The following GRID2 variants were observed in gnomAD, a reference collection of about 807,000 sequenced individuals.
GRID2 encodes glutamate receptor ionotropic, delta-2.
GRID2 carries 33 observed loss-of-function variants against 114.8 expected under a neutral mutation model. The ratio of observed to expected loss-of-function variants is 0.29; its 90% CI spans 0.22 to 0.38. The LOEUF is 0.38. Ranked by LOEUF, GRID2 falls within the 10% of genes least tolerant of loss-of-function variation. GRID2 has a pLI of 1.00. For missense variants in GRID2, 1,184 were observed against 1,257.7 expected (o/e 0.94, Z 0.89); for synonymous variants, 505 against 449.9 (o/e 1.12, Z -1.55).
At chr4:92,989,671 A>G (rs1754746434) in intron 2 of GRID2, among the ~76,000 whole-genome samples, 1 of 152,198 alleles carries the variant, frequency 6.6e-6, no homozygotes, top group African/African-American at 2.4e-5. Context: ...GTAACATTTT[A>G]TGACCCCAAA....
chr4:93,450,626 G>C (rs1166088273), intron 10 of GRID2, among the ~76,000 whole-genome samples: 2 of 151,604 alleles, frequency 1.3e-5, no homozygotes, highest in Non-Finnish European at 3.0e-5. Context: ...ATGCTCCATT[G>C]TATCATCCAT....
intron 2 of GRID2, among the ~76,000 whole-genome samples, chr4:93,084,464 A>C (rs1730156359): frequency 6.6e-6 from 1 of 152,172 alleles, no homozygotes; most frequent in African/African-American, 2.4e-5. Flanking sequence ...CAATGTCATC[A>C]AGTTTTTAGA....
Position 93,515,324 on chromosome 4 carries a change from C to T in GRID2, c.2106C>T (p.Asp702=), listed in dbSNP as rs181918786. 2.1e-4 allele frequency: 343 copies of T among 1,611,268 alleles called. 2 individuals carry two copies. The East Asian group carries it at 7.1e-3, about 33-fold the overall frequency. ...RMKGLNPFER[D]SMYSQMWRMI... ...AAGGACTGAATCCTTTTGAGAGGGACAGCATGTATTCCCAAATGTGGCGGA... is the reference window on the plus strand; with the variant it reads ...AAGGACTGAATCCTTTTGAGAGGGATAGCATGTATTCCCAAATGTGGCGGA... The change falls in exon 13 of 16, where the codon GAC becomes GAT. Residue 702 remains aspartate (D), a synonymous_variant. Transcript: ENST00000282020.
At chr4:92,544,756 T>C (rs938573099) in intron 1 of GRID2, among the ~76,000 whole-genome samples, 1 of 152,178 alleles carries the variant, frequency 6.6e-6, no homozygotes, top group African/African-American at 2.4e-5. Context: ...ACCAATATTA[T>C]GTGTTAGCTT....
intron 2 of GRID2, among the ~76,000 whole-genome samples, chr4:92,759,661 A>G (rs1356003508): frequency 2.0e-5 from 3 of 151,808 alleles, no homozygotes; most frequent in African/African-American, 4.8e-5. Context: ...CTGGAGTGCA[A>G]TGGCGTGATC....
chr4:92,568,543 A>T (rs1191630211), intron 1 of GRID2, among the ~76,000 whole-genome samples: 1 of 151,998 alleles, frequency 6.6e-6, no homozygotes, highest in Non-Finnish European at 1.5e-5. Flanking sequence ...CAGAACTTGA[A>T]GTGCAAAATT....
intron 13 of GRID2, among the ~76,000 whole-genome samples, chr4:93,529,476 T>C (rs544654769): frequency 1.3e-5 from 2 of 152,248 alleles, no homozygotes; most frequent in African/African-American, 2.4e-5. Flanking sequence ...GACTAGAACA[T>C]TGTAGATTAA....
intron 4 of GRID2, among the ~76,000 whole-genome samples, chr4:93,148,413 A>G (rs1579118979): frequency 6.6e-6 from 1 of 152,274 alleles, no homozygotes; most frequent in East Asian, 1.9e-4. Context: ...TAATCTGATC[A>G]TGAAATAAAA....
At chr4:92,716,053 A>G (rs1560549643) in intron 2 of GRID2, among the ~76,000 whole-genome samples, 1 of 152,352 alleles carries the variant, frequency 6.6e-6, no homozygotes, top group South Asian at 2.1e-4. Flanking sequence ...TTTATTCCCT[A>G]TTAATGTGGC....
chr4:92,493,498 C>T (rs1723246235), intron 1 of GRID2, among the ~76,000 whole-genome samples: 1 of 152,162 alleles, frequency 6.6e-6, no homozygotes, highest in South Asian at 2.1e-4. Flanking sequence ...GACTAACCTT[C>T]AATTAATGAC....
At chr4:93,671,657 A>G (rs1358815557) in intron 14 of GRID2, among the ~76,000 whole-genome samples, 1 of 152,276 alleles carries the variant, frequency 6.6e-6, no homozygotes, top group South Asian at 2.1e-4. Context: ...GAACAACACT[A>G]TATATATTAT....
intron 8 of GRID2, among the ~76,000 whole-genome samples, chr4:93,356,998 T>A (rs1761398575): frequency 6.6e-6 from 1 of 151,758 alleles, no homozygotes; most frequent in Admixed American, 6.6e-5. Context: ...CTAATGAAAA[T>A]AATTTGGAAT....
At chr4:93,516,780 T>C (rs1485115098) in intron 13 of GRID2, among the ~76,000 whole-genome samples, 1 of 152,108 alleles carries the variant, frequency 6.6e-6, no homozygotes, top group Non-Finnish European at 1.5e-5. Flanking sequence ...TCAGAATAAG[T>C]ATACACTATG....
intron 4 of GRID2, among the ~76,000 whole-genome samples, chr4:93,129,670 AAGTC>A (rs1734616503): frequency 6.6e-6 from 1 of 152,170 alleles, no homozygotes; most frequent in Non-Finnish European, 1.5e-5. Flanking sequence ...ACCCTTTGTC[AAGTC>A]AGTTTCCCTT....
At chr4:93,052,942 TAGC>T (rs1196604053) in intron 2 of GRID2, among the ~76,000 whole-genome samples, 1 of 151,930 alleles carries the variant, frequency 6.6e-6, no homozygotes, top group Non-Finnish European at 1.5e-5. Context: ...AGGGCTGTCT[TAGC>T]AGTGTGGCAA....
At chr4:93,220,776 G>A (rs1744781367) in intron 6 of GRID2, among the ~76,000 whole-genome samples, 2 of 152,108 alleles carry the variant, frequency 1.3e-5, no homozygotes, top group African/African-American at 4.8e-5. Context: ...TTCCTGAAAT[G>A]CAAGGAACTG....
intron 3 of GRID2, among the ~76,000 whole-genome samples, chr4:93,087,121 A>G (rs1370912286): frequency 6.6e-6 from 1 of 151,330 alleles, no homozygotes; most frequent in Non-Finnish European, 1.5e-5. Flanking sequence ...TGCAACCTCC[A>G]CCTCCTGGGT....
chr4:93,801,629 A>C (rs530259552), intron 1 of GRID2, among the ~76,000 whole-genome samples: 2 of 152,320 alleles, frequency 1.3e-5, no homozygotes, highest in South Asian at 4.1e-4. Context: ...TAGTTTTACA[A>C]TACTTACAAC....
intron 1 of GRID2, among the ~76,000 whole-genome samples, chr4:92,535,677 G>A (rs1579535366): frequency 6.6e-6 from 1 of 152,246 alleles, no homozygotes; most frequent in South Asian, 2.1e-4. Context: ...TAAAACAAGT[G>A]GTAAGTGAAC....
Sources: allele counts gnomAD v4.1 joint callset (sites outside exome capture counted in the v4.1 genomes callset), GRCh38; gene constraint gnomAD v4.1.1; transcripts MANE v1.5; gene names NCBI Gene and HGNC (gene_info 2026-07-23, HGNC 2026-07-21).